The following ALMS1 variants were observed in gnomAD, a reference collection of about 807,000 sequenced individuals.
ALMS1 encodes centrosome-associated protein ALMS1.
ALMS1 carries 271 observed loss-of-function variants against 352.2 expected under a neutral mutation model. The ratio of observed to expected loss-of-function variants is 0.77; its 90% confidence interval spans 0.70 to 0.85. ALMS1 has a LOEUF of 0.85. ALMS1 is among the 40% of genes least tolerant of loss of function. The probability of loss-of-function intolerance (pLI) is 0.00; values close to 1 mark genes in which losing one functional copy is unlikely to be tolerated. For missense variants in ALMS1, 5,445 were observed against 4,870.7 expected (o/e 1.12, Z -3.51); for synonymous variants, 1,865 against 1,761.2 (o/e 1.06, Z -1.48).
Position 73,450,251 on chromosome 2 carries a change from A to G in ALMS1, c.3724A>G (p.Thr1242Ala), listed in dbSNP as rs1370292225. The change falls in exon 8 of 23, where the codon ACA becomes GCA. Residue 1242 changes from threonine (T) to alanine (A), a missense_variant. Physicochemically the swap from Thr to Ala is moderately conservative, Grantham distance 58. Coordinates refer to ENST00000613296, the MANE Select transcript of ALMS1 (RefSeq NM_001378454.1). Reference sequence around the variant, plus strand: ...TCCAACCTCTGCTTCTTACTCACACACAGAGAAGCCTGGTATTTTCTACCA... The same window carrying G: ...TCCAACCTCTGCTTCTTACTCACACGCAGAGAAGCCTGGTATTTTCTACCA... ...PTPTSASYSH[T>A]EKPGIFYQQV... 1.2e-6 allele frequency: 2 copies of G among 1,614,048 alleles called. No homozygotes were observed. The highest frequency in any genetic ancestry group is 1.7e-6 in the Non-Finnish European group (2 of 1,179,974).
intron 9 of ALMS1, among the ~76,000 whole-genome samples, chr2:73,476,917 T>A (rs1035067906): frequency 1.3e-5 from 2 of 152,154 alleles, no homozygotes; most frequent in African/African-American, 2.4e-5. Flanking sequence ...CAAACTGATA[T>A]AAGTTAATTG....
At chr2:73,461,134 T>C (rs1672190207) in intron 9 of ALMS1, among the ~76,000 whole-genome samples, 1 of 152,346 alleles carries the variant, frequency 6.6e-6, no homozygotes, top group African/African-American at 2.4e-5. Context: ...ATGGGCAGAC[T>C]GCCTCCTCAA....
chr2:73,570,156 G>A (rs1374191011), intron 15 of ALMS1, among the ~76,000 whole-genome samples: 2 of 152,208 alleles, frequency 1.3e-5, no homozygotes, highest in East Asian at 3.9e-4. Flanking sequence ...GTAGGATGAT[G>A]TGCCATTCAC....
At chr2:73,423,748 G>A (rs1376328308) in intron 4 of ALMS1, among the ~76,000 whole-genome samples, 2 of 151,892 alleles carry the variant, frequency 1.3e-5, no homozygotes, top group Non-Finnish European at 2.9e-5. Flanking sequence ...CACTTCTTAA[G>A]TGGTTTCTTT....
At chr2:73,429,318 G>A (rs967187191) in intron 6 of ALMS1, among the ~76,000 whole-genome samples, 61 of 106,972 alleles carry the variant, frequency 5.7e-4, no homozygotes, top group African/African-American at 2.0e-3. Context: ...TTTTGCTCTT[G>A]TCATCCAGGC....
chr2:73,386,009 G>A lies in ALMS1; in HGVS notation c.141G>A (p.Glu47=). The A allele has an allele frequency of 6.4e-7, 1 of 1,560,236 alleles. No homozygotes were observed. Among genetic ancestry groups the A allele is most frequent in the Non-Finnish European group, 8.7e-7 (1 of 1,152,680 alleles). The change falls in exon 1 of 23, where the codon GAG becomes GAA. Residue 47 remains glutamate, a synonymous_variant. Coordinates refer to ENST00000613296, the MANE Select transcript of ALMS1 (RefSeq NM_001378454.1). ...ACGTAGTGGTCGTGGAGGAGGTGGA[G>A]GAAGAGGCGGGGCGGGAGTTGGACT... ...VDDVVVVEEV[E]EEAGRELDSD... is the part of the protein sequence containing the mutation.
chr2:73,520,930 T>C (rs971100798), intron 11 of ALMS1, among the ~76,000 whole-genome samples: 1 of 152,172 alleles, frequency 6.6e-6, no homozygotes, highest in Admixed American at 6.5e-5. Flanking sequence ...TTTTAAAATA[T>C]TTACTATTTT....
intron 7 of ALMS1, among the ~76,000 whole-genome samples, chr2:73,433,801 C>CT (rs1488858290): frequency 6.6e-6 from 1 of 152,168 alleles, no homozygotes; most frequent in Admixed American, 6.5e-5. Flanking sequence ...TGCCATAAGT[C>CT]TATTTAGATT....
At position 73,489,842 on chromosome 2, in the gene ALMS1, A is replaced by T; in HGVS notation, c.7883A>T (p.Asn2628Ile). Residue 2628 changes from asparagine to isoleucine, a missense_variant, in exon 10 of 23, where the codon AAC (asparagine) becomes ATC (isoleucine). Transcript: ENST00000613296. The stretch of plus-strand genomic sequence containing the variant: ...TCATCATGCAGAGCCAAGCATGTCA[A>T]CCTTTCTGCATCCTTAGACCAGAAC... ...NPSSCRAKHVNLSASLDQNNS... is the reference protein window; with the variant it reads ...NPSSCRAKHVILSASLDQNNS... 6.2e-7 allele frequency: 1 copy of T among 1,614,170 alleles called. No individual in the cohort carries two copies. Among genetic ancestry groups the T allele is most frequent in the Non-Finnish European group, 8.5e-7 (1 of 1,180,022 alleles).
chr2:73,403,299 A>G (rs1208460293), intron 1 of ALMS1, among the ~76,000 whole-genome samples: 1 of 152,032 alleles, frequency 6.6e-6, no homozygotes, highest in Non-Finnish European at 1.5e-5. Context: ...TCTATTCCCT[A>G]TTGTGTCTTC....
chr2:73,447,992 A>G lies in ALMS1; in HGVS notation c.1465A>G (p.Thr489Ala), dbSNP rs1393556995. ...TTCTAAAGGAGGCATAGCTAAAGTTACTCAATCCAACTTGAAGTCAGGCAT... is the reference window on the plus strand; with the variant it reads ...TTCTAAAGGAGGCATAGCTAAAGTTGCTCAATCCAACTTGAAGTCAGGCAT... ...DTSKGGIAKV[T>A]QSNLKSGITT... Residue 489 changes from threonine to alanine, a missense_variant, in exon 8 of 23, where the codon ACT becomes GCT. Thr to Ala is a moderately conservative substitution (Grantham distance 58, BLOSUM62 0). Transcript: ENST00000613296. 6.2e-7 allele frequency: 1 copy of G among 1,613,292 alleles called. No individual in the cohort carries two copies. The highest frequency in any genetic ancestry group is 8.5e-7 in the Non-Finnish European group (1 of 1,179,654).
rs70965737 is a variant in ALMS1 at position 73,478,656 on chromosome 2, G to GTTTA, written c.7675-10950_7675-10947dup. 5.6e-3 allele frequency among the ~76,000 whole-genome samples: 845 copies of GTTTA among 150,120 alleles called. 7 individuals are homozygous for GTTTA. Among genetic ancestry groups the GTTTA allele is most frequent in the African/African-American group, 0.015 (631 of 40,954 alleles). ...TTTTTATTTATTTAGTAATTTATTC[G>GTTTA]TTTATTTATTTATTTATTTATTTAT... On this transcript the variant is annotated intron_variant, in intron 9 of 22. Transcript: ENST00000613296.
intron 7 of ALMS1, among the ~76,000 whole-genome samples, chr2:73,447,302 T>G (rs1304933269): frequency 1.3e-5 from 2 of 152,174 alleles, no homozygotes; most frequent in African/African-American, 4.8e-5. Context: ...TCACTCATCT[T>G]GAAAACTTTA....
In ALMS1 at chr2:73,470,123, A is replaced by C. The variant is rs571479667; in HGVS notation, c.7674+14828A>C. ...TCTTAGTCTAGCTAAATGTTTGTTA[A>C]CATTGTTTTTACCTTTTCAAAAACT... is the stretch of plus-strand genomic sequence containing the variant. On this transcript the variant is annotated intron_variant, in intron 9 of 22. Transcript: ENST00000613296. The C allele has an allele frequency of 2.6e-5, 4 of 151,866 alleles. No homozygotes were observed. The South Asian group carries it at 8.3e-4, about 31-fold the overall frequency. The allele number at this position is 151,866 out of a possible 1,614,324, so 9.4% of individuals were successfully genotyped here.
intron 2 of ALMS1, 58 bp from the exon 3 acceptor site, chr2:73,419,065 T>C: frequency 7.2e-7 from 1 of 1,379,568 alleles, no homozygotes; most frequent in East Asian, 2.3e-5. Flanking sequence ...ATCTAAATAT[T>C]AATATGTATG....
intron 16 of ALMS1, among the ~76,000 whole-genome samples, chr2:73,588,806 G>A (rs1675361680): frequency 6.6e-6 from 1 of 152,136 alleles, no homozygotes; most frequent in African/African-American, 2.4e-5. Context: ...AGAGCTTTAT[G>A]TCCAACTAAA....
At chr2:73,408,791 G>A (rs749672056) in intron 2 of ALMS1, 44 bp downstream of exon 2, 2 of 1,568,706 alleles carry the variant, frequency 1.3e-6, no homozygotes, top group South Asian at 1.1e-5. Flanking sequence ...TTGATAAGCA[G>A]CACAAGAAAT....
chr2:73,602,139 A>G, intron 19 of ALMS1, 46 bp from the exon 20 acceptor site: 11 of 1,568,934 alleles, frequency 7.0e-6, no homozygotes, highest in East Asian at 2.3e-5. Context: ...AGTAGATTGC[A>G]TCATTAATCT....
rs764337753 is a variant in ALMS1, at chr2:73,408,621, G to A, written c.325-1G>A. Reference sequence around the variant, plus strand: ...TATTTAAGCCTGCTTTTGATTTTCAGATTGTTCCATTGACCTGTCATGTAT... The same window carrying A: ...TATTTAAGCCTGCTTTTGATTTTCAAATTGTTCCATTGACCTGTCATGTAT... On this transcript the variant is annotated splice_acceptor_variant, in intron 1 of 22. Transcript: ENST00000613296. LOFTEE classifies it high-confidence loss of function. The A allele has an allele frequency of 1.2e-6, 2 of 1,612,750 alleles. No individual in the cohort carries two copies. The highest frequency in any genetic ancestry group is 1.7e-6 in the Non-Finnish European group (2 of 1,179,216).
Sources: gnomAD v4.1 joint callset for allele counts (sites outside exome capture counted in the v4.1 genomes callset) on GRCh38, gnomAD v4.1.1 for gene constraint, MANE v1.5 for transcripts, NCBI Gene and HGNC (gene_info 2026-07-23, HGNC 2026-07-21) for gene names.